The following FUT8 variants were observed in gnomAD, a reference collection of about 807,000 sequenced individuals.
FUT8 encodes fucosyltransferase 8.
FUT8 carries 29 observed loss-of-function variants against 71.3 expected under a neutral mutation model. That is an observed-to-expected ratio of 0.41 (90% CI 0.30 to 0.55). The LOEUF is 0.55. Ranked by LOEUF, FUT8 falls within the 20% of genes least tolerant of loss-of-function variation. The pLI is 0.34. For missense variants in FUT8, 544 were observed against 702.1 expected, an observed-to-expected ratio of 0.77 and a Z score of 2.55; for synonymous variants, 254 against 239.3, an observed-to-expected ratio of 1.06 and a Z score of -0.57.
chr14:65,702,438 G>A (rs774855468), intron 7 of FUT8, among the ~76,000 whole-genome samples: 2 of 151,954 alleles, frequency 1.3e-5, no homozygotes, highest in Non-Finnish European at 2.9e-5. Context: ...ATAGTACCGC[G>A]CATACAGTTG....
intron 7 of FUT8, among the ~76,000 whole-genome samples, chr14:65,670,788 T>A (rs1892439958): frequency 6.6e-6 from 1 of 152,186 alleles, no homozygotes. Flanking sequence ...GAGTACTTTC[T>A]ATAAAATACT....
At chr14:65,570,370 G>T (rs1280507682) in intron 3 of FUT8, among the ~76,000 whole-genome samples, 1 of 151,452 alleles carries the variant, frequency 6.6e-6, no homozygotes, top group Non-Finnish European at 1.5e-5. Flanking sequence ...CACTTCCACA[G>T]CTCTCTAATG....
chr14:65,489,363 G>A lies in FUT8; in HGVS notation c.-228+33645G>A, dbSNP rs987250528. Among the ~76,000 whole-genome samples, 7 of 151,942 alleles carry A rather than the reference G, an allele frequency of 4.6e-5. No individual in the cohort carries two copies. The highest frequency in any genetic ancestry group is 8.8e-5 in the Non-Finnish European group (6 of 67,970). On this transcript the variant is annotated intron_variant, in intron 2 of 10. Coordinates refer to ENST00000673929, the MANE Select transcript of FUT8 (RefSeq NM_001371533.1). The surrounding 1 kb of genome is among the most constrained non-coding windows in gnomAD (Gnocchi z 4.0). ...CTGGGACGTATCTCTTTTAGTCTCC[G>A]TATATTAAATCTTAGGGAACCTGAA...
intron 2 of FUT8, among the ~76,000 whole-genome samples, chr14:65,527,524 T>G (rs1468209268): frequency 1.3e-5 from 2 of 152,230 alleles, no homozygotes; most frequent in African/African-American, 4.8e-5. Flanking sequence ...CTCCTTTAGC[T>G]TGGAGAAGTT....
At chr14:65,738,346 GCT>G (rs1896328011) in intron 10 of FUT8, among the ~76,000 whole-genome samples, 1 of 152,020 alleles carries the variant, frequency 6.6e-6, no homozygotes, top group Non-Finnish European at 1.5e-5. Context: ...CTCTGAGAAA[GCT>G]TTGGAGGCTT....
intron 7 of FUT8, among the ~76,000 whole-genome samples, chr14:65,706,840 C>T (rs140561066): frequency 7.9e-5 from 12 of 152,226 alleles, no homozygotes; most frequent in African/African-American, 2.6e-4. Flanking sequence ...CAGACCATAG[C>T]ATGGAGACAG....
upstream of FUT8, among the ~76,000 whole-genome samples, chr14:65,409,937 A>G (rs1198895292): frequency 6.6e-6 from 1 of 152,204 alleles, no homozygotes; most frequent in Non-Finnish European, 1.5e-5. This position sits in a 1 kb window ranked among gnomAD's most constrained non-coding sequence, Gnocchi z 5.4. Context: ...GAGGTGGAGT[A>G]CCTGTACTTA....
Position 65,425,589 on chromosome 14 carries a change from T to C in FUT8, c.-326+12375T>C, listed in dbSNP as rs144345932. ...GTACAACTTGATGTTTTGGTATATGTGTAGATTGTGAAATGTTTACCACAA... is the reference window on the plus strand; with the variant it reads ...GTACAACTTGATGTTTTGGTATATGCGTAGATTGTGAAATGTTTACCACAA... On this transcript the variant is annotated intron_variant, in intron 1 of 10. Coordinates refer to ENST00000673929, the MANE Select transcript of FUT8 (RefSeq NM_001371533.1). Among the ~76,000 whole-genome samples, 858 of 152,228 alleles carry C rather than the reference T, an allele frequency of 5.6e-3. 1 individual carries two copies. The highest frequency in any genetic ancestry group is 0.024 in the Middle Eastern group (7 of 294).
At chr14:65,629,087 GAA>G (rs1476847716) in intron 5 of FUT8, among the ~76,000 whole-genome samples, 2 of 152,058 alleles carry the variant, frequency 1.3e-5, no homozygotes, top group Non-Finnish European at 2.9e-5. Context: ...AATATGAAGA[GAA>G]AAATTAAAAG....
chr14:65,536,173 C>T (rs1253561726), intron 2 of FUT8, among the ~76,000 whole-genome samples: 1 of 152,156 alleles, frequency 6.6e-6, no homozygotes, highest in African/African-American at 2.4e-5. Flanking sequence ...CTCTTGAAGA[C>T]AGCATACCAT....
chr14:65,679,019 C>T (rs889809596), intron 7 of FUT8, among the ~76,000 whole-genome samples: 7 of 152,166 alleles, frequency 4.6e-5, no homozygotes, highest in Non-Finnish European at 4.4e-5. Flanking sequence ...TTATTTAGTG[C>T]ATCTAGGTTC....
intron 2 of FUT8, chr14:65,488,714 A>G (rs908086727): frequency 1.3e-5 from 2 of 152,124 alleles, no homozygotes; most frequent in African/African-American, 2.4e-5. Flanking sequence ...TCCTCTTGTA[A>G]TGCTTGCTTA....
At chr14:65,416,703 T>TA (rs770425378) in intron 1 of FUT8, among the ~76,000 whole-genome samples, 4 of 151,886 alleles carry the variant, frequency 2.6e-5, no homozygotes, top group Non-Finnish European at 5.9e-5. Flanking sequence ...AAAGAACCTG[T>TA]AAAAAAATCT....
chr14:65,709,754 C>T (rs1894726157), intron 7 of FUT8, among the ~76,000 whole-genome samples: 1 of 152,148 alleles, frequency 6.6e-6, no homozygotes, highest in Admixed American at 6.5e-5. Flanking sequence ...AATGTGTTAT[C>T]CAACTGGCAC....
chr14:65,416,545 C>T (rs2065221656), intron 1 of FUT8, among the ~76,000 whole-genome samples: 1 of 152,096 alleles, frequency 6.6e-6, no homozygotes. Flanking sequence ...AGTAGTGTAG[C>T]ATCCTCTTAT....
At chr14:65,442,295 C>T (rs2065671975) in intron 1 of FUT8, among the ~76,000 whole-genome samples, 1 of 151,752 alleles carries the variant, frequency 6.6e-6, no homozygotes, top group African/African-American at 2.4e-5. Flanking sequence ...CCTGCCTCAG[C>T]CTCCTGAGTA....
upstream of FUT8, chr14:65,412,630 G>C (rs2065149850): frequency 3.4e-6 from 1 of 295,378 alleles, no homozygotes; most frequent in Non-Finnish European, 6.6e-6. Flanking sequence ...AAGGGGGCGG[G>C]GAGAATCCCT....
intron 7 of FUT8, among the ~76,000 whole-genome samples, chr14:65,692,367 C>CG (rs1594902563): frequency 1.4e-5 from 2 of 147,338 alleles, no homozygotes; most frequent in African/African-American, 2.5e-5. Flanking sequence ...GCTGACCCCC[C>CG]CACCTCCCTC....
intron 10 of FUT8, 54 bp from the exon 11 acceptor site, chr14:65,742,039 G>C: frequency 6.8e-7 from 1 of 1,463,002 alleles, no homozygotes; most frequent in Middle Eastern, 1.8e-4. Flanking sequence ...CTTTTAGATT[G>C]CTGTGAAGGA....
Sources: gnomAD v4.1 joint callset for allele counts (sites outside exome capture counted in the v4.1 genomes callset) on GRCh38, gnomAD v4.1.1 for gene constraint, Gnocchi (gnomAD v3.1) non-coding constraint, MANE v1.5 for transcripts, NCBI Gene and HGNC (gene_info 2026-07-23, HGNC 2026-07-21) for gene names.